The following CUL5 variants were observed in gnomAD, a reference collection of about 807,000 sequenced individuals.
The protein encoded by CUL5 is cullin-5.
Under a neutral mutation model 108.8 loss-of-function variants are expected in CUL5, and 26 were observed. That is an observed-to-expected ratio of 0.24 (90% CI 0.18 to 0.33). The LOEUF (loss-of-function observed/expected upper bound fraction) is 0.33. Among genes scored for constraint, CUL5 ranks in the 10% least tolerant of loss-of-function variants. The pLI is 1.00. For synonymous variants in CUL5, 334 were observed against 298.0 expected (o/e 1.12, Z -1.25); for missense variants, 524 against 909.2 (o/e 0.58, Z 5.45).
chr11:108,057,929 G>T (rs1022452141), intron 7 of CUL5, among the ~76,000 whole-genome samples: 2 of 152,064 alleles, frequency 1.3e-5, no homozygotes, highest in African/African-American at 4.8e-5. Flanking sequence ...AAAGAATATT[G>T]GCTGGGTGCA....
chr11:108,091,016 G>A (rs1168767655), intron 13 of CUL5, among the ~76,000 whole-genome samples: 1 of 152,010 alleles, frequency 6.6e-6, no homozygotes, highest in Non-Finnish European at 1.5e-5. Flanking sequence ...TATTTACTAC[G>A]AGAAACCTTT....
At chr11:108,023,644 T>A (rs1213191088) in intron 1 of CUL5, among the ~76,000 whole-genome samples, 1 of 152,176 alleles carries the variant, frequency 6.6e-6, no homozygotes, top group African/African-American at 2.4e-5. Context: ...GACTTTTCAT[T>A]TATGTGCCCC....
chr11:108,039,278 C>T (rs1264766030), intron 2 of CUL5, among the ~76,000 whole-genome samples: 1 of 152,142 alleles, frequency 6.6e-6, no homozygotes, highest in Non-Finnish European at 1.5e-5. Context: ...CCTTGGCCTC[C>T]CAAAGTGCTG....
At chr11:108,095,502 T>C (rs767835815) in intron 15 of CUL5, 28 bp from the exon 16 acceptor site, 3 of 1,413,342 alleles carry the variant, frequency 2.1e-6, no homozygotes, top group South Asian at 1.3e-5. Flanking sequence ...TGAGATTCTT[T>C]ATTAAAAATC....
chr11:108,054,239 C>G (rs1025397275), intron 5 of CUL5, among the ~76,000 whole-genome samples: 1 of 152,188 alleles, frequency 6.6e-6, no homozygotes, highest in Non-Finnish European at 1.5e-5. Flanking sequence ...TTCTATTAAC[C>G]TTGCAATCCA....
At position 108,095,416 on chromosome 11, in the gene CUL5, G is replaced by GA. The variant is rs1157123899; in HGVS notation, c.1744-111dup. On this transcript the variant is annotated intron_variant, in intron 15 of 18. Coordinates refer to ENST00000393094, the MANE Select transcript of CUL5 (RefSeq NM_003478.6). ...CGTCTTCTAAAATGTTTATTACTGTGAAAGAGTGGATACTGGAAGACAGCA... is the reference window on the plus strand; with the variant it reads ...CGTCTTCTAAAATGTTTATTACTGTGAAAAGAGTGGATACTGGAAGACAGCA... The GA allele has an allele frequency of 1.6e-5, 11 of 685,208 alleles. No individual in the cohort carries two copies. The East Asian group carries it at 2.8e-4, about 17-fold the overall frequency. The allele number at this position is 685,208 out of a possible 1,614,324, so 42.4% of individuals were successfully genotyped here. A position where few individuals can be genotyped will look rare whatever the true frequency, so the allele number is the denominator to read the frequency against.
At chr11:108,073,183 C>T (rs112092484) in intron 9 of CUL5, among the ~76,000 whole-genome samples, 19,781 of 145,668 alleles carry the variant, frequency 0.14, 1,411 homozygotes, top group African/African-American at 0.19. Context: ...GCCTGGGCGA[C>T]AGATCGAGAC....
intron 2 of CUL5, among the ~76,000 whole-genome samples, chr11:108,045,395 C>T (rs567614683): frequency 6.6e-6 from 1 of 152,216 alleles, no homozygotes; most frequent in Admixed American, 6.5e-5. Context: ...AGTTCAAGCC[C>T]AGACTGGGCA....
chr11:108,095,869 G>T (rs2135239832), intron 16 of CUL5, among the ~76,000 whole-genome samples, 178 bp downstream of exon 16: 1 of 152,136 alleles, frequency 6.6e-6, no homozygotes, highest in South Asian at 2.1e-4. Context: ...GCCGAGGTGG[G>T]CAGATCACTT....
chr11:108,087,839 C>T (rs1392110836), intron 11 of CUL5, among the ~76,000 whole-genome samples: 1 of 152,012 alleles, frequency 6.6e-6, no homozygotes, highest in East Asian at 1.9e-4. Flanking sequence ...GTGGCGGGCA[C>T]CTGTAATCCC....
chr11:108,061,605 G>C (rs1863537582), intron 7 of CUL5, among the ~76,000 whole-genome samples: 2 of 152,052 alleles, frequency 1.3e-5, no homozygotes, highest in South Asian at 4.1e-4. Context: ...CCTTCTGTTT[G>C]TTTTCCTTTC....
At chr11:108,059,517 T>C (rs1035500778) in intron 7 of CUL5, among the ~76,000 whole-genome samples, 2 of 152,158 alleles carry the variant, frequency 1.3e-5, no homozygotes, top group Non-Finnish European at 2.9e-5. Context: ...ATCCCACAGA[T>C]GTTATTTTAC....
intron 2 of CUL5, among the ~76,000 whole-genome samples, chr11:108,036,924 A>G (rs552315478): frequency 6.6e-6 from 1 of 152,288 alleles, no homozygotes; most frequent in African/African-American, 2.4e-5. Context: ...GTCTGAAGAA[A>G]CAGCTGGAGT....
At chr11:108,042,218 CTTTTT>C (rs11440201) in intron 2 of CUL5, among the ~76,000 whole-genome samples, 17,820 of 124,010 alleles carry the variant, frequency 0.14, 1,134 homozygotes, top group African/African-American at 0.19. Context: ...ATCCACAATT[CTTTTT>C]TTTTTTTTTT....
chr11:108,080,952 CATTATTTATTTA>C (rs1864064902), intron 11 of CUL5, among the ~76,000 whole-genome samples: 1 of 136,320 alleles, frequency 7.3e-6, no homozygotes, highest in Non-Finnish European at 1.6e-5. Context: ...GAAGATTTAT[CATTATTTATTTA>C]TTTATTTATT....
rs146733548 is a variant in CUL5, at chr11:108,040,376, C to T, written c.135-5894C>T. 5.7e-3 allele frequency among the ~76,000 whole-genome samples: 865 copies of T among 152,212 alleles called. 8 individuals are homozygous for T. Among genetic ancestry groups the T allele is most frequent in the African/African-American group, 0.02 (833 of 41,522 alleles). On this transcript the variant is annotated intron_variant, in intron 2 of 18. Transcript: ENST00000393094. ...CCGGTAATCCCAGCACTTTGGGAGG[C>T]GAAGGCAGGTGGATCACCTGAGGTC...
At chr11:108,063,529 C>T (rs1220667353) in intron 7 of CUL5, among the ~76,000 whole-genome samples, 1 of 150,596 alleles carries the variant, frequency 6.6e-6, no homozygotes, top group East Asian at 1.9e-4. Flanking sequence ...CAAACCTGCA[C>T]GTTGTGCACA....
At chr11:108,039,229 A>G (rs1862825855) in intron 2 of CUL5, among the ~76,000 whole-genome samples, 2 of 152,144 alleles carry the variant, frequency 1.3e-5, no homozygotes, top group South Asian at 4.1e-4. Context: ...CATGTTGATC[A>G]GACTGGTCTT....
chr11:108,049,458 C>A (rs1464596771), intron 3 of CUL5, among the ~76,000 whole-genome samples: 1 of 152,036 alleles, frequency 6.6e-6, no homozygotes, highest in Non-Finnish European at 1.5e-5. Flanking sequence ...CCTCCCACCT[C>A]AACCTCCTAA....
Sources: allele counts gnomAD v4.1 joint callset (sites outside exome capture counted in the v4.1 genomes callset), GRCh38; gene constraint gnomAD v4.1.1; transcripts MANE v1.5; gene names NCBI Gene and HGNC (gene_info 2026-07-23, HGNC 2026-07-21).